The following C4orf33 variants were observed in gnomAD, a reference collection of about 807,000 sequenced individuals.
C4orf33 encodes the protein chromosome 4 open reading frame 33.
In C4orf33, 20 loss-of-function variants were observed where a neutral mutation model predicts 24.3. The observed-to-expected ratio is 0.82, with a 90% CI of 0.58 to 1.19. The LOEUF is 1.19. Among genes scored for constraint, C4orf33 ranks in the 50% most tolerant of loss-of-function variants. The pLI is 0.00. For missense variants in C4orf33, 207 were observed against 225.9 expected, an observed-to-expected ratio of 0.92 and a Z score of 0.54; for synonymous variants, 67 against 76.4, an observed-to-expected ratio of 0.88 and a Z score of 0.64.
chr4:129,096,160 C>T lies in C4orf33; in HGVS notation c.-59C>T, dbSNP rs1753198469. The T allele has an allele frequency of 2.6e-5, 4 of 152,206 alleles. No individual in the cohort carries two copies. The highest frequency in any genetic ancestry group is 2.0e-4 in the Admixed American group (3 of 15,274). The allele number at this position is 152,206 out of a possible 1,614,324, so 9.4% of individuals were successfully genotyped here. A position where few individuals can be genotyped will look rare whatever the true frequency, so the allele number is the denominator to read the frequency against. On this transcript the variant is annotated 5_prime_UTR_variant, in exon 1 of 6. Transcript: ENST00000425929. ...GTGGAGCCTAAAGCCGAGCCCTCTC[C>T]TGTGACCTCGGCTGAAAAGAAGAAG...
At chr4:129,105,074 GAGAA>G (rs1753477009) in intron 2 of C4orf33, among the ~76,000 whole-genome samples, 2 of 152,120 alleles carry the variant, frequency 1.3e-5, no homozygotes, top group South Asian at 4.1e-4. Flanking sequence ...TATATATGGA[GAGAA>G]AGAGAGAGAT....
At chr4:129,101,364 A>G (rs546960948) in intron 1 of C4orf33, among the ~76,000 whole-genome samples, 2 of 152,310 alleles carry the variant, frequency 1.3e-5, no homozygotes, top group East Asian at 1.9e-4. Context: ...TAAATAACTT[A>G]TGAAGCAAAG....
At chr4:129,096,701 A>C (rs189652763) in intron 1 of C4orf33, among the ~76,000 whole-genome samples, 1 of 152,306 alleles carries the variant, frequency 6.6e-6, no homozygotes, top group African/African-American at 2.4e-5. Context: ...AATTTGAAGA[A>C]TAGAGGTTAA....
In C4orf33 at chr4:129,109,549, A is replaced by G. The variant is rs1753623917; in HGVS notation, c.371A>G (p.Tyr124Cys). 2 of 1,614,000 alleles carry G rather than the reference A, an allele frequency of 1.2e-6. No individual in the cohort carries two copies. The highest frequency in any genetic ancestry group is 1.7e-6 in the Non-Finnish European group (2 of 1,179,882). Residue 124 changes from tyrosine (Y) to cysteine (C), a missense_variant, in exon 5 of 6, where the codon TAT (tyrosine) becomes TGT (cysteine). Physicochemically the swap from Tyr to Cys is radical, Grantham distance 194 (BLOSUM62 -2). Coordinates refer to ENST00000425929, the MANE Select transcript of C4orf33 (RefSeq NM_001099783.2). ...GGCAAAGCTTATCTCCCTTGGAGTT[A>G]TTTTCCACCAAATGTGACAAAATTC... ...WEGKAYLPWS[Y>C]FPPNVTKFNS...
At chr4:129,108,979 C>T (rs111898245) in intron 3 of C4orf33, among the ~76,000 whole-genome samples, 40 of 152,260 alleles carry the variant, frequency 2.6e-4, no homozygotes, top group South Asian at 8.3e-4. Context: ...CTCCACCTCC[C>T]GGGTTCAAGC....
At chr4:129,107,529 A>T (rs1753554342) in intron 3 of C4orf33, among the ~76,000 whole-genome samples, 1 of 152,034 alleles carries the variant, frequency 6.6e-6, no homozygotes, top group Admixed American at 6.6e-5. Context: ...ATTTGTAGAT[A>T]TTCTTTTATT....
chr4:129,109,780 C>A, intron 5 of C4orf33, 108 bp downstream of exon 5: 1 of 1,011,742 alleles, frequency 9.9e-7, no homozygotes, highest in Non-Finnish European at 1.4e-6. Context: ...GACATATGTG[C>A]ACAAGTATCT....
intron 1 of C4orf33, among the ~76,000 whole-genome samples, chr4:129,101,479 G>C (rs536401486): frequency 6.1e-4 from 93 of 152,092 alleles, no homozygotes; most frequent in South Asian, 5.4e-3. Flanking sequence ...AGTATAATTT[G>C]GGGGGTCCAC....
intron 5 of C4orf33, chr4:129,109,892 T>C (rs1167170310): frequency 9.3e-6 from 10 of 1,075,014 alleles, no homozygotes; most frequent in African/African-American, 1.6e-5. Flanking sequence ...TATTTTTCCA[T>C]AGTGGTATGA....
At chr4:129,106,217 A>G (rs1209633494) in intron 2 of C4orf33, among the ~76,000 whole-genome samples, 1 of 152,022 alleles carries the variant, frequency 6.6e-6, no homozygotes, top group Admixed American at 6.6e-5. Context: ...TTTGAACAGT[A>G]CTCTAATGAA....
chr4:129,116,017 A>T lies in C4orf33; in HGVS notation c.*4226A>T, dbSNP rs1753772576. 1.3e-5 allele frequency: 2 copies of T among 151,468 alleles called. No individual in the cohort carries two copies. The highest frequency in any genetic ancestry group is 2.1e-4 in the South Asian group (1 of 4,824). The allele number at this position is 151,468 out of a possible 1,614,324, so 9.4% of individuals were successfully genotyped here. On this transcript the variant is annotated 3_prime_UTR_variant, in exon 6 of 6. Transcript: ENST00000425929. The stretch of plus-strand genomic sequence containing the variant: ...ATTGACTATTGTAACTCTATTTTTT[A>T]CCAACTATCATTTTTCATGGAAGGA...
intron 5 of C4orf33, among the ~76,000 whole-genome samples, chr4:129,110,658 C>T (rs909545607): frequency 1.3e-5 from 2 of 151,990 alleles, no homozygotes; most frequent in African/African-American, 4.8e-5. Flanking sequence ...TGTGCTGCAT[C>T]GTCCTTCCTC....
chr4:129,103,307 C>G (rs1382499738), intron 2 of C4orf33, among the ~76,000 whole-genome samples: 1 of 152,120 alleles, frequency 6.6e-6, no homozygotes, highest in Non-Finnish European at 1.5e-5. Flanking sequence ...GCGTGAGCCA[C>G]CTTGCCTGGC....
rs1753766367 is a variant in C4orf33 at position 129,115,818 on chromosome 4, A to AATATATATGTTTATATAT, written c.*4027_*4028insATATATATGTTTATATAT. On this transcript the variant is annotated 3_prime_UTR_variant, in exon 6 of 6. Coordinates refer to ENST00000425929, the MANE Select transcript of C4orf33 (RefSeq NM_001099783.2). ...TCTAACTAAATATATATATATATAT[A>AATATATATGTTTATATAT]TATATATATATAAAATATATATGTT... 1.1e-5 allele frequency: 1 copy of AATATATATGTTTATATAT among 94,868 alleles called. No individual in the cohort carries two copies. Among genetic ancestry groups the AATATATATGTTTATATAT allele is most frequent in the African/African-American group, 3.4e-5 (1 of 29,292 alleles). 5.9% of individuals were successfully genotyped at this position (94,868 alleles called of 1,614,324 possible). A position where few individuals can be genotyped will look rare whatever the true frequency, so the allele number is the denominator to read the frequency against.
intron 2 of C4orf33, 65 bp downstream of exon 2, chr4:129,102,856 ATTATT>A (rs2125800868): frequency 7.0e-7 from 1 of 1,425,804 alleles, no homozygotes; most frequent in Non-Finnish European, 9.6e-7. Flanking sequence ...TCACAGAACT[ATTATT>A]TTATCTTGCT....
Position 129,114,479 on chromosome 4 carries a change from C to G in C4orf33, c.*2688C>G, listed in dbSNP as rs1753744651. On this transcript the variant is annotated 3_prime_UTR_variant, in exon 6 of 6. Coordinates refer to ENST00000425929, the MANE Select transcript of C4orf33 (RefSeq NM_001099783.2). ...TTCTGTTTTGCTCTTCCTGGTACCT[C>G]TCTCCTCTCTGGAATTGCTTAACTA... is the stretch of plus-strand genomic sequence containing the variant. The G allele has an allele frequency of 6.6e-6, 1 of 152,246 alleles. No homozygotes were observed. Among genetic ancestry groups the G allele is most frequent in the African/African-American group, 2.4e-5 (1 of 41,452 alleles). The allele number at this position is 152,246 out of a possible 1,614,324, so 9.4% of individuals were successfully genotyped here. A position where few individuals can be genotyped will look rare whatever the true frequency, so the allele number is the denominator to read the frequency against.
At chr4:129,098,704 T>C (rs76830609) in intron 1 of C4orf33, among the ~76,000 whole-genome samples, 242 of 152,292 alleles carry the variant, frequency 1.6e-3, no homozygotes, top group Non-Finnish European at 3.0e-3. Context: ...CTCCCATGAA[T>C]TGTTGGCCAG....
chr4:129,112,342 C>G lies in C4orf33; in HGVS notation c.*551C>G, dbSNP rs1182826877. The G allele has an allele frequency of 1.3e-5, 2 of 152,136 alleles. No individual in the cohort carries two copies. The highest frequency in any genetic ancestry group is 4.8e-5 in the African/African-American group (2 of 41,438). The allele number at this position is 152,136 out of a possible 1,614,324, so 9.4% of individuals were successfully genotyped here. On this transcript the variant is annotated 3_prime_UTR_variant, in exon 6 of 6. Coordinates refer to ENST00000425929, the MANE Select transcript of C4orf33 (RefSeq NM_001099783.2). Reference sequence around the variant, plus strand: ...CAACAACCTGTATGAATCTCAAAAACATTAAGTTGAGCAAAACAAACCAAA... The same window carrying G: ...CAACAACCTGTATGAATCTCAAAAAGATTAAGTTGAGCAAAACAAACCAAA...
intron 1 of C4orf33, among the ~76,000 whole-genome samples, chr4:129,098,331 C>A (rs1029267891): frequency 2.0e-5 from 3 of 152,120 alleles, no homozygotes; most frequent in African/African-American, 7.2e-5. Flanking sequence ...CTTCCCTCCC[C>A]CCTCTAGTAG....
Sources: allele counts gnomAD v4.1 joint callset (sites outside exome capture counted in the v4.1 genomes callset), GRCh38; gene constraint gnomAD v4.1.1; transcripts MANE v1.5; gene names NCBI Gene and HGNC (gene_info 2026-07-23, HGNC 2026-07-21).